The following LUZP2 variants were observed in gnomAD, a reference collection of about 807,000 sequenced individuals.
LUZP2 encodes leucine zipper protein 2.
A neutral mutation model predicts 51.6 loss-of-function variants in LUZP2; 52 were observed. That is an observed-to-expected ratio of 1.01 (90% CI 0.81 to 1.27). The LOEUF (loss-of-function observed/expected upper bound fraction) is 1.27. LUZP2 is among the 50% of genes most tolerant of loss of function. The pLI, the probability that LUZP2 is intolerant of heterozygous loss-of-function variation, is 0.00. For synonymous variants in LUZP2, 154 were observed against 137.3 expected, an observed-to-expected ratio of 1.12 and a Z score of -0.85; for missense variants, 436 against 395.4, an observed-to-expected ratio of 1.10 and a Z score of -0.87.
intron 1 of LUZP2, among the ~76,000 whole-genome samples, chr11:24,537,825 A>G (rs879600828): frequency 5.9e-5 from 9 of 152,052 alleles, no homozygotes; most frequent in Admixed American, 2.6e-4. Flanking sequence ...ACCAAAAAAT[A>G]GAGCTTTATC....
chr11:24,896,899 G>A (rs1853082066), intron 5 of LUZP2, among the ~76,000 whole-genome samples: 1 of 151,990 alleles, frequency 6.6e-6, no homozygotes, highest in African/African-American at 2.4e-5. Context: ...TGGGGACTTG[G>A]AGAAATTTTA....
intron 5 of LUZP2, 78 bp downstream of exon 5, chr11:24,763,386 G>A: frequency 1.7e-6 from 1 of 582,634 alleles, no homozygotes; most frequent in Non-Finnish European, 2.8e-6. Context: ...GTTGCCACTA[G>A]TTTGGAGTAT....
At chr11:25,030,903 ATAATATATAT>A (rs1857631966) in intron 9 of LUZP2, among the ~76,000 whole-genome samples, 3 of 44,896 alleles carry the variant, frequency 6.7e-5, no homozygotes, top group Non-Finnish European at 1.1e-4. Context: ...ATATATATAT[ATAATATATAT>A]TGTATTATAT....
chr11:24,759,936 G>T (rs75089723), intron 4 of LUZP2, among the ~76,000 whole-genome samples: 3,623 of 152,114 alleles, frequency 0.024, 146 homozygotes, highest in African/African-American at 0.082. Context: ...CCTGGTGGTC[G>T]GGCTACAGCT....
At chr11:24,702,401 A>C (rs2133912638) in intron 1 of LUZP2, among the ~76,000 whole-genome samples, 1 of 152,334 alleles carries the variant, frequency 6.6e-6, no homozygotes, top group South Asian at 2.1e-4. Flanking sequence ...GGAAAAGAAA[A>C]GAAAAAAGAA....
chr11:24,967,561 A>C (rs564873979), intron 7 of LUZP2, among the ~76,000 whole-genome samples: 1 of 151,592 alleles, frequency 6.6e-6, no homozygotes, highest in African/African-American at 2.4e-5. Flanking sequence ...GGCCCTGTTC[A>C]TGTTTCTTCA....
intron 1 of LUZP2, among the ~76,000 whole-genome samples, chr11:24,701,855 C>T (rs7110341): frequency 6.6e-6 from 1 of 151,894 alleles, no homozygotes; most frequent in African/African-American, 2.4e-5. Context: ...AGAAGGGATT[C>T]GTTTTTATAA....
At chr11:24,897,400 T>C (rs1201682315) in intron 5 of LUZP2, among the ~76,000 whole-genome samples, 4 of 152,214 alleles carry the variant, frequency 2.6e-5, no homozygotes, top group African/African-American at 4.8e-5. Flanking sequence ...GTTGTTTTTA[T>C]GAGCTGTAAC....
intron 5 of LUZP2, among the ~76,000 whole-genome samples, chr11:24,864,642 A>G (rs1270354399): frequency 1.3e-5 from 2 of 152,178 alleles, no homozygotes; most frequent in African/African-American, 2.4e-5. Flanking sequence ...TTTACATTCC[A>G]TGTTAGTGAA....
intron 5 of LUZP2, among the ~76,000 whole-genome samples, chr11:24,878,098 GTGTTT>G (rs1269660577): frequency 2.2e-4 from 4 of 18,542 alleles, no homozygotes; most frequent in African/African-American, 5.2e-4. Flanking sequence ...GTAATATTCT[GTGTTT>G]TTTTTTTTTT....
chr11:24,505,331 G>C (rs1000534600), intron 1 of LUZP2, among the ~76,000 whole-genome samples: 57 of 152,216 alleles, frequency 3.7e-4, no homozygotes, highest in South Asian at 4.1e-4. Context: ...TTGTCGTGTT[G>C]CATGGGGTTA....
intron 7 of LUZP2, among the ~76,000 whole-genome samples, chr11:24,948,576 T>C (rs1565146547): frequency 6.6e-6 from 1 of 151,680 alleles, no homozygotes; most frequent in Non-Finnish European, 1.5e-5. Flanking sequence ...ATTCACAGGC[T>C]AAAGTTATCA....
At chr11:24,623,540 C>T (rs1332083257) in intron 1 of LUZP2, among the ~76,000 whole-genome samples, 2 of 152,090 alleles carry the variant, frequency 1.3e-5, no homozygotes, top group African/African-American at 4.8e-5. Context: ...GCTATGTCCC[C>T]ATCACTTAGA....
intron 1 of LUZP2, among the ~76,000 whole-genome samples, chr11:24,623,733 G>A (rs1159040184): frequency 6.6e-6 from 1 of 152,156 alleles, no homozygotes; most frequent in Non-Finnish European, 1.5e-5. Context: ...TGTAGGCCCT[G>A]CTACTCGGGA....
Position 25,062,891 on chromosome 11 carries a change from G to A in LUZP2, c.858+12761G>A, listed in dbSNP as rs971157718. Among the ~76,000 whole-genome samples the A allele has an allele frequency of 1.9e-4, 29 of 151,186 alleles. 4 individuals carry two copies. The highest frequency in any genetic ancestry group is 1.1e-3 in the Admixed American group (17 of 15,182). On this transcript the variant is annotated intron_variant, in intron 10 of 11. Transcript: ENST00000336930. The stretch of plus-strand genomic sequence containing the variant: ...TATTTTATCATTATTTAGTTAATCC[G>A]CATATTTTTGTTTGACCAATATCTT...
At chr11:25,016,236 T>G (rs1014449813) in intron 9 of LUZP2, among the ~76,000 whole-genome samples, 1 of 152,004 alleles carries the variant, frequency 6.6e-6, no homozygotes, top group Non-Finnish European at 1.5e-5. Flanking sequence ...TGTGAAATTT[T>G]AATGCACCTG....
chr11:24,963,631 C>T lies in LUZP2; in HGVS notation c.523-12960C>T, dbSNP rs866299226. Among the ~76,000 whole-genome samples the T allele has an allele frequency of 4.1e-4, 63 of 152,118 alleles. 1 individual carries two copies. Among genetic ancestry groups the T allele is most frequent in the South Asian group, 2.1e-3 (10 of 4,820 alleles). ...AAGCCCGTCAGAAAGGCGCAGTATT[C>T]GGGTGGGAGTGACCCGATTTTCCAG... On this transcript the variant is annotated intron_variant, in intron 7 of 11. Transcript: ENST00000336930.
intron 9 of LUZP2, among the ~76,000 whole-genome samples, chr11:25,030,944 A>ATATATG (rs1565254722): frequency 4.0e-4 from 1 of 2,472 alleles, no homozygotes; most frequent in Non-Finnish European, 8.5e-4. Context: ...TATATTATAT[A>ATATATG]TATTATATAT....
At chr11:24,721,320 C>T (rs1858262099) in intron 1 of LUZP2, among the ~76,000 whole-genome samples, 1 of 147,334 alleles carries the variant, frequency 6.8e-6, no homozygotes, top group South Asian at 2.2e-4. Flanking sequence ...AGAAAGGGAA[C>T]ATTTTACATC....
Sources: allele counts gnomAD v4.1 joint callset (sites outside exome capture counted in the v4.1 genomes callset), GRCh38; gene constraint gnomAD v4.1.1; transcripts MANE v1.5; gene names NCBI Gene and HGNC (gene_info 2026-07-23, HGNC 2026-07-21).